Variants in PRDM16 observed in about 807,000 individuals in gnomAD.
PRDM16 encodes the protein histone-lysine N-methyltransferase PRDM16.
PRDM16 carries 23 observed loss-of-function variants against 110.6 expected under a neutral mutation model. The observed-to-expected ratio is 0.21, with a 90% CI of 0.15 to 0.29. PRDM16 has a LOEUF of 0.29. PRDM16 is among the 10% of genes least tolerant of loss of function. The pLI is 1.00. For synonymous variants in PRDM16, 799 were observed against 781.8 expected, an observed-to-expected ratio of 1.02 and a Z score of -0.37; for missense variants, 1,615 against 1,794.3, an observed-to-expected ratio of 0.90 and a Z score of 1.81.
rs1437046561 is a variant in PRDM16, at chr1:3,383,588, A to T, written c.439-1564A>T. On this transcript the variant is annotated intron_variant, in intron 3 of 16. Coordinates refer to ENST00000270722, the MANE Select transcript of PRDM16 (RefSeq NM_022114.4). ...GTGCCGACGTTTAACTTTTCAAAAG[A>T]ATTCCAGCACCAGGCCCGAGATGGC... 2.0e-5 allele frequency among the ~76,000 whole-genome samples: 3 copies of T among 152,106 alleles called. No individual in the cohort carries two copies. In the East Asian group the frequency reaches 5.8e-4, roughly 29 times the overall value.
intron 3 of PRDM16, among the ~76,000 whole-genome samples, chr1:3,253,209 T>A (rs534131219): frequency 6.6e-6 from 1 of 151,780 alleles, no homozygotes; most frequent in Non-Finnish European, 1.5e-5. Context: ...TTTAATTTAA[T>A]TATTATTATT....
chr1:3,294,607 G>T (rs950653499), intron 3 of PRDM16, among the ~76,000 whole-genome samples: 3 of 152,074 alleles, frequency 2.0e-5, no homozygotes, highest in African/African-American at 7.2e-5. Flanking sequence ...AGCAGCCCGC[G>T]TTAGAACAGG....
At chr1:3,227,361 G>A (rs973270852) in intron 2 of PRDM16, among the ~76,000 whole-genome samples, 4 of 152,264 alleles carry the variant, frequency 2.6e-5, no homozygotes, top group Non-Finnish European at 5.9e-5. Context: ...CTGCATCCTT[G>A]TCCCGAGGCC....
intron 3 of PRDM16, among the ~76,000 whole-genome samples, chr1:3,276,704 G>A (rs1640592845): frequency 6.6e-6 from 1 of 152,222 alleles, no homozygotes; most frequent in Non-Finnish European, 1.5e-5. Flanking sequence ...GGGGTGCCGT[G>A]AACAGAGCCA....
intron 1 of PRDM16, among the ~76,000 whole-genome samples, chr1:3,141,318 G>T (rs1055133229): frequency 2.0e-5 from 3 of 152,236 alleles, no homozygotes; most frequent in Admixed American, 2.0e-4. Context: ...CATCAATCTC[G>T]CTGGGCTGGG....
chr1:3,411,374 G>C lies in PRDM16; in HGVS notation c.1187-10G>C, dbSNP rs201517837. On this transcript the variant is annotated splice_polypyrimidine_tract_variant and intron_variant, in intron 8 of 16. Coordinates refer to ENST00000270722, the MANE Select transcript of PRDM16 (RefSeq NM_022114.4). The stretch of plus-strand genomic sequence containing the variant: ...ATGCGGGTTTGTCTTGGCTTCTGCT[G>C]ATGTTTTAGGTGAGGTCTGCCACAA... 367 of 1,593,444 alleles carry C rather than the reference G, an allele frequency of 2.3e-4. 1 individual carries two copies. Among genetic ancestry groups the C allele is most frequent in the Admixed American group, 3.4e-4 (20 of 59,476 alleles).
Position 3,435,872 on chromosome 1 carries a change from G to A in PRDM16, c.*2061G>A, listed in dbSNP as rs1300176281. The A allele has an allele frequency of 2.6e-5, 6 of 231,762 alleles. No individual in the cohort carries two copies. Among genetic ancestry groups the A allele is most frequent in the East Asian group, 6.1e-5 (1 of 16,434 alleles). The allele number at this position is 231,762 out of a possible 1,614,324, so 14.4% of individuals were successfully genotyped here. ...TCACAGTGAAAGGGATTCCTCCCAC[G>A]CCAGATCTGCACAACGAGGCAAGAC... On this transcript the variant is annotated 3_prime_UTR_variant, in exon 17 of 17. Transcript: ENST00000270722.
chr1:3,327,467 G>A (rs116862051), intron 3 of PRDM16, among the ~76,000 whole-genome samples: 3,178 of 150,572 alleles, frequency 0.021, 168 homozygotes, highest in East Asian at 0.12. Flanking sequence ...GTCTTTCAAC[G>A]CTCATCCCAC....
intron 3 of PRDM16, among the ~76,000 whole-genome samples, chr1:3,274,526 C>A (rs1569972620): frequency 6.6e-6 from 1 of 152,210 alleles, no homozygotes; most frequent in Non-Finnish European, 1.5e-5. Context: ...GCGTGCAGTT[C>A]ATAATATTCT....
In PRDM16 at chr1:3,346,638, C is replaced by A. The variant is rs1047165229; in HGVS notation, c.439-38514C>A. ...GCCTCTCGATGGCCAGCCAGGCCCA[C>A]CCCTCACTCCTCCAAGCTGGCTGCA... On this transcript the variant is annotated intron_variant, in intron 3 of 16. Transcript: ENST00000270722. 2.6e-5 allele frequency among the ~76,000 whole-genome samples: 4 copies of A among 152,166 alleles called. No homozygotes were observed. The South Asian group carries it at 8.3e-4, about 31-fold the overall frequency.
At chr1:3,317,607 C>A (rs1370569597) in intron 3 of PRDM16, among the ~76,000 whole-genome samples, 2 of 152,206 alleles carry the variant, frequency 1.3e-5, no homozygotes, top group Non-Finnish European at 2.9e-5. Context: ...ATCCCTCCTG[C>A]CTCTTGGCTC....
At chr1:3,204,518 C>G (rs1638708272) in intron 2 of PRDM16, among the ~76,000 whole-genome samples, 1 of 152,250 alleles carries the variant, frequency 6.6e-6, no homozygotes, top group African/African-American at 2.4e-5. Flanking sequence ...CGAATTCCTT[C>G]TAGCCCTGCC....
intron 3 of PRDM16, among the ~76,000 whole-genome samples, chr1:3,338,843 C>G (rs2100507819): frequency 6.6e-6 from 1 of 152,338 alleles, no homozygotes; most frequent in Non-Finnish European, 1.5e-5. Context: ...TTCTTTGGAG[C>G]TGACTGCAGC....
rs1638818481 is a variant in PRDM16, at chr1:3,209,032, C to T, written c.387+22558C>T. 6.6e-6 allele frequency among the ~76,000 whole-genome samples: 1 copy of T among 152,178 alleles called. No homozygotes were observed. The highest frequency in any genetic ancestry group is 2.1e-4 in the South Asian group (1 of 4,824). On this transcript the variant is annotated intron_variant, in intron 2 of 16. Coordinates refer to ENST00000270722, the MANE Select transcript of PRDM16 (RefSeq NM_022114.4). This position sits in a 1 kb window ranked among gnomAD's most constrained non-coding sequence, Gnocchi z 4.6. ...CAGCAGGTGGCTGGGACTTAACTCT[C>T]AAGGGTATTTAGGGACAGAGAGCAG...
At chr1:3,406,665 C>T (rs1224092536) in intron 8 of PRDM16, among the ~76,000 whole-genome samples, 1 of 152,134 alleles carries the variant, frequency 6.6e-6, no homozygotes, top group Non-Finnish European at 1.5e-5. Context: ...ATGTCCTGAG[C>T]CCAGGAATTC....
chr1:3,256,857 A>AAAAT (rs932975887), intron 3 of PRDM16, among the ~76,000 whole-genome samples: 37 of 91,474 alleles, frequency 4.0e-4, no homozygotes, highest in African/African-American at 8.3e-4. Context: ...ACTCCATCTC[A>AAAAT]AAATAAATAA....
chr1:3,245,778 C>T lies in PRDM16; in HGVS notation c.438+1641C>T, dbSNP rs1455732415. On this transcript the variant is annotated intron_variant, in intron 3 of 16. Coordinates refer to ENST00000270722, the MANE Select transcript of PRDM16 (RefSeq NM_022114.4). This position sits in a 1 kb window ranked among gnomAD's most constrained non-coding sequence, Gnocchi z 4.7. ...GAGGAGCAGGAAACAGTTAGCAGCG[C>T]TGCTGTATTTCCGAGAACTGCAGTA... Among the ~76,000 whole-genome samples, 4 of 152,184 alleles carry T rather than the reference C, an allele frequency of 2.6e-5. No individual in the cohort carries two copies. The East Asian group carries it at 7.7e-4, about 29-fold the overall frequency.
chr1:3,379,258 G>A (rs1399637478), intron 3 of PRDM16, among the ~76,000 whole-genome samples: 1 of 52,736 alleles, frequency 1.9e-5, no homozygotes, highest in East Asian at 5.6e-4. Context: ...AGTCCTCCCA[G>A]CACACCCCTC....
intron 1 of PRDM16, among the ~76,000 whole-genome samples, chr1:3,086,155 C>A (rs1164984968): frequency 2.0e-5 from 3 of 152,138 alleles, no homozygotes; most frequent in Non-Finnish European, 4.4e-5. Context: ...GTCCCCTCCT[C>A]TCAGGGCAGG....
Sources: gnomAD v4.1 joint callset for allele counts (sites outside exome capture counted in the v4.1 genomes callset) on GRCh38, gnomAD v4.1.1 for gene constraint, Gnocchi (gnomAD v3.1) non-coding constraint, MANE v1.5 for transcripts, NCBI Gene and HGNC (gene_info 2026-07-23, HGNC 2026-07-21) for gene names.